The following TRAF5 variants were observed in gnomAD, a reference collection of about 807,000 sequenced individuals.
The protein encoded by TRAF5 is TNF receptor-associated factor 5.
TRAF5 carries 48 observed loss-of-function variants against 64.5 expected under a neutral mutation model. The observed-to-expected ratio is 0.74, with a 90% CI of 0.59 to 0.95. TRAF5 has a LOEUF of 0.95. TRAF5 is among the 40% of genes least tolerant of loss of function. The pLI, the probability that TRAF5 is intolerant of heterozygous loss-of-function variation, is 0.00. For missense variants in TRAF5, 545 were observed against 662.8 expected (o/e 0.82, Z 1.95); for synonymous variants, 206 against 240.5 (o/e 0.86, Z 1.33).
intron 9 of TRAF5, 30 bp downstream of exon 9, chr1:211,369,622 AG>A (rs752063827): frequency 7.2e-6 from 11 of 1,525,884 alleles, no homozygotes; most frequent in Non-Finnish European, 8.8e-6. Context: ...TTGAAAGCCA[AG>A]ATTTGGCTTT....
At chr1:211,347,271 T>C (rs1241541510) in intron 1 of TRAF5, among the ~76,000 whole-genome samples, 1 of 152,162 alleles carries the variant, frequency 6.6e-6, no homozygotes, top group Non-Finnish European at 1.5e-5. Context: ...AATATATTTG[T>C]TAGGTAAAGA....
intron 1 of TRAF5, chr1:211,346,496 A>G (rs1702610704): frequency 7.4e-6 from 7 of 947,380 alleles, no homozygotes; most frequent in Non-Finnish European, 8.8e-6. Context: ...TGTAGTAATC[A>G]GTAATTCCCC....
intron 7 of TRAF5, among the ~76,000 whole-genome samples, chr1:211,362,509 G>A (rs1468815356): frequency 4.6e-5 from 7 of 151,972 alleles, no homozygotes; most frequent in Non-Finnish European, 8.8e-5. Flanking sequence ...GTGAAACCCC[G>A]CCTCTACTAA....
chr1:211,327,476 G>A (rs1341996302), intron 1 of TRAF5, among the ~76,000 whole-genome samples: 1 of 152,192 alleles, frequency 6.6e-6, no homozygotes, highest in African/African-American at 2.4e-5. Flanking sequence ...CCCAGAAGGC[G>A]AGCTCTAAGG....
At chr1:211,345,370 C>G (rs951146804) in intron 1 of TRAF5, among the ~76,000 whole-genome samples, 5 of 151,842 alleles carry the variant, frequency 3.3e-5, no homozygotes, top group Admixed American at 2.6e-4. Context: ...CTCCCCCCCC[C>G]TCCTTTTTTT....
chr1:211,349,731 G>C (rs1056554114), intron 1 of TRAF5, among the ~76,000 whole-genome samples: 3 of 152,358 alleles, frequency 2.0e-5, no homozygotes, highest in African/African-American at 7.2e-5. Context: ...AGAGTGCAGA[G>C]TGTAGTGGAG....
chr1:211,334,621 G>A (rs1042184363), intron 1 of TRAF5, among the ~76,000 whole-genome samples: 3 of 152,152 alleles, frequency 2.0e-5, no homozygotes, highest in Admixed American at 6.5e-5. Flanking sequence ...TCGCACCACT[G>A]CACTCCAGCC....
intron 1 of TRAF5, among the ~76,000 whole-genome samples, chr1:211,352,538 A>G (rs1702823767): frequency 7.1e-6 from 1 of 140,794 alleles, no homozygotes; most frequent in Admixed American, 7.4e-5. Flanking sequence ...CTGGGGAGGG[A>G]TCAGTTGAGC....
At chr1:211,371,181 A>AT (rs1381258441) in intron 9 of TRAF5, 121 bp from the exon 10 acceptor site, 4 of 956,902 alleles carry the variant, frequency 4.2e-6, no homozygotes, top group Non-Finnish European at 4.5e-6. Context: ...CTGGGCTTGT[A>AT]TTTTTCATTC....
At position 211,361,006 on chromosome 1, in the gene TRAF5, C is replaced by G. The variant is rs561538704; in HGVS notation, c.622-82C>G. On this transcript the variant is annotated intron_variant, in intron 6 of 10. Transcript: ENST00000261464. ...CCTTCTCCTGGTCCTTGCCTTCTTC[C>G]CAAGCCACTCTTGGCTCCCTGATTG... The G allele has an allele frequency of 1.5e-5, 21 of 1,430,674 alleles. No individual in the cohort carries two copies. The South Asian group carries it at 2.4e-4, about 17-fold the overall frequency. The allele number at this position is 1,430,674 out of a possible 1,614,324, so 88.6% of individuals were successfully genotyped here. A position where few individuals can be genotyped will look rare whatever the true frequency, so the allele number is the denominator to read the frequency against.
At chr1:211,344,339 CATT>C (rs1486022947) in intron 1 of TRAF5, among the ~76,000 whole-genome samples, 2 of 152,284 alleles carry the variant, frequency 1.3e-5, no homozygotes, top group East Asian at 1.9e-4. Context: ...ATACTCACAT[CATT>C]GTTTGTCCTG....
At position 211,346,453 on chromosome 1, in the gene TRAF5, G is replaced by A; in HGVS notation, c.-1-6786G>A. On this transcript the variant is annotated intron_variant, in intron 1 of 10. Coordinates refer to ENST00000261464, the MANE Select transcript of TRAF5 (RefSeq NM_001033910.3). ...TGGCAGAGCAGAGACAGAGGTCTCT[G>A]GTCCTGTGCCCTTTTCACTCTGGGA... 3.0e-6 allele frequency: 3 copies of A among 985,010 alleles called. No homozygotes were observed. The South Asian group carries it at 1.4e-4, about 46-fold the overall frequency. The allele number at this position is 985,010 out of a possible 1,614,324, so 61.0% of individuals were successfully genotyped here.
intron 1 of TRAF5, among the ~76,000 whole-genome samples, chr1:211,333,211 C>A (rs765196427): frequency 2.0e-5 from 3 of 152,136 alleles, no homozygotes; most frequent in African/African-American, 7.2e-5. Flanking sequence ...ATTTTTGAGA[C>A]GGAGTCTTGC....
At chr1:211,371,048 G>A (rs559785990) in intron 9 of TRAF5, among the ~76,000 whole-genome samples, 2 of 152,092 alleles carry the variant, frequency 1.3e-5, no homozygotes, top group Non-Finnish European at 2.9e-5. Flanking sequence ...GGGAAACAGA[G>A]GGAGGATAAA....
At chr1:211,333,895 A>C (rs1702225178) in intron 1 of TRAF5, among the ~76,000 whole-genome samples, 1 of 152,048 alleles carries the variant, frequency 6.6e-6, no homozygotes, top group Admixed American at 6.6e-5. Context: ...AAAACCATTA[A>C]TCCATACCCC....
chr1:211,353,143 C>T, intron 1 of TRAF5, 96 bp from the exon 2 acceptor site: 1 of 1,186,088 alleles, frequency 8.4e-7, no homozygotes. Context: ...GAATGATGTA[C>T]ACTAATTATG....
chr1:211,366,845 T>C (rs1453887573), intron 8 of TRAF5, among the ~76,000 whole-genome samples: 1 of 152,248 alleles, frequency 6.6e-6, no homozygotes, highest in Non-Finnish European at 1.5e-5. Flanking sequence ...AATTATTTTT[T>C]TATCATTTAT....
intron 8 of TRAF5, among the ~76,000 whole-genome samples, chr1:211,368,482 A>G (rs957385898): frequency 6.6e-6 from 1 of 152,176 alleles, no homozygotes; most frequent in Admixed American, 6.5e-5. Context: ...TCCAGCTCCC[A>G]TGGAACTTAT....
intron 1 of TRAF5, among the ~76,000 whole-genome samples, chr1:211,340,148 C>T (rs1236905384): frequency 6.6e-6 from 1 of 152,180 alleles, no homozygotes; most frequent in Non-Finnish European, 1.5e-5. Context: ...CTGGGCAAAG[C>T]CTGGGCTCAG....
Sources: gnomAD v4.1 joint callset for allele counts (sites outside exome capture counted in the v4.1 genomes callset) on GRCh38, gnomAD v4.1.1 for gene constraint, MANE v1.5 for transcripts, NCBI Gene and HGNC (gene_info 2026-07-23, HGNC 2026-07-21) for gene names.